The following CDC42BPG variants were observed in gnomAD, a reference collection of about 807,000 sequenced individuals.
CDC42BPG encodes CDC42 binding protein kinase gamma, also known as serine/threonine-protein kinase MRCK gamma.
Under a neutral mutation model 192.2 loss-of-function variants are expected in CDC42BPG, and 157 were observed. The ratio of observed to expected loss-of-function variants is 0.82; its 90% CI spans 0.72 to 0.93. CDC42BPG has a LOEUF of 0.93. CDC42BPG is among the 40% of genes least tolerant of loss of function. The probability of loss-of-function intolerance (pLI) is 0.00; values close to 1 mark genes in which losing one functional copy is unlikely to be tolerated. For synonymous variants in CDC42BPG, 981 were observed against 918.5 expected (o/e 1.07, Z -1.23); for missense variants, 1,992 against 2,122.1 (o/e 0.94, Z 1.20).
At position 64,840,643 on chromosome 11, in the gene CDC42BPG, G is replaced by A. The variant is rs1297121142; in HGVS notation, c.342C>T (p.Ala114=). 1.2e-6 allele frequency: 2 copies of A among 1,613,714 alleles called. No homozygotes were observed. The highest frequency in any genetic ancestry group is 1.7e-6 in the Non-Finnish European group (2 of 1,180,026). Residue 114 remains alanine, a synonymous_variant, in exon 4 of 37, where the codon GCC becomes GCT. Coordinates refer to ENST00000342711, the MANE Select transcript of CDC42BPG (RefSeq NM_017525.3). ...KWEMLKRAET[A]CFREERDVLV... ...GCACATCCCGCTCCTCCCGGAAACA[G>A]GCTGTCTGCAGCAGGTTTGGGGAAG...
At chr11:64,839,992 G>T in intron 5 of CDC42BPG, 128 bp downstream of exon 5, 1 of 940,550 alleles carries the variant, frequency 1.1e-6, no homozygotes, top group South Asian at 1.6e-5. Flanking sequence ...GGAAGCACAC[G>T]GATGAGGCAC....
At position 64,824,038 on chromosome 11, in the gene CDC42BPG, C is replaced by G. The variant is rs1942332363; in HGVS notation, c.*435G>C. ...CTGTTTTTCTCACCCAGACGCTAAGCAGAGACGGGGACATGCCCCATCTTG... is the reference window on the plus strand; with the variant it reads ...CTGTTTTTCTCACCCAGACGCTAAGGAGAGACGGGGACATGCCCCATCTTG... On this transcript the variant is annotated 3_prime_UTR_variant, in exon 37 of 37. Transcript: ENST00000342711. 1 of 191,122 alleles carries G rather than the reference C, an allele frequency of 5.2e-6. No homozygotes were observed. The highest frequency in any genetic ancestry group is 1.0e-5 in the Non-Finnish European group (1 of 95,632). The allele number at this position is 191,122 out of a possible 1,614,324, so 11.8% of individuals were successfully genotyped here.
chr11:64,840,475 GGCCCAGT>G, intron 4 of CDC42BPG, 71 bp downstream of exon 4: 1 of 1,498,378 alleles, frequency 6.7e-7, no homozygotes, highest in Non-Finnish European at 9.3e-7. Context: ...TCTCTCTTTG[GGCCCAGT>G]GCCCCTGGCC....
intron 9 of CDC42BPG, 47 bp from the exon 10 acceptor site, chr11:64,837,066 C>T (rs182227271): frequency 7.0e-7 from 1 of 1,429,622 alleles, no homozygotes; most frequent in Admixed American, 1.7e-5. Context: ...CCTCACCCCA[C>T]AGAGTCTCCT....
Position 64,827,407 on chromosome 11 carries a change from G to C in CDC42BPG, c.4151-9C>G, listed in dbSNP as rs201455618. 8.3e-5 allele frequency: 134 copies of C among 1,612,744 alleles called. No homozygotes were observed. The highest frequency in any genetic ancestry group is 1.1e-4 in the Non-Finnish European group (133 of 1,178,918). On this transcript the variant is annotated splice_polypyrimidine_tract_variant and intron_variant, in intron 32 of 36. Transcript: ENST00000342711. Reference sequence around the variant, plus strand: ...GTCGAACTCGTCCTTCTCTGTGGGAGAAGTGGAGAGCTGGGCTGTGCTCAC... The same window carrying C: ...GTCGAACTCGTCCTTCTCTGTGGGACAAGTGGAGAGCTGGGCTGTGCTCAC...
At chr11:64,840,027 G>A (rs991013230) in intron 5 of CDC42BPG, 93 bp downstream of exon 5, 2 of 1,263,638 alleles carry the variant, frequency 1.6e-6, no homozygotes, top group Non-Finnish European at 1.1e-6. Flanking sequence ...GGCACATGAT[G>A]AGTGCTCAGC....
chr11:64,828,255 C>G (rs1942525955), intron 30 of CDC42BPG, among the ~76,000 whole-genome samples: 1 of 141,686 alleles, frequency 7.1e-6, no homozygotes, highest in Non-Finnish European at 1.5e-5. Context: ...GTTACTTGTG[C>G]ATGCACCAGA....
Position 64,844,637 on chromosome 11 carries a change from C to A in CDC42BPG, c.-68G>T, listed in dbSNP as rs934266861. On this transcript the variant is annotated 5_prime_UTR_variant, in exon 1 of 37. Transcript: ENST00000342711. ...CCGCATGCCCGCCTGTCGGGCCGTC[C>A]GTCCGCCCAACCGTCTGAGGCTCTG... is the stretch of plus-strand genomic sequence containing the variant. The A allele has an allele frequency of 3.4e-6, 4 of 1,186,652 alleles. No homozygotes were observed. Among genetic ancestry groups the A allele is most frequent in the African/African-American group, 1.6e-5 (1 of 62,674 alleles). 73.5% of individuals were successfully genotyped at this position (1,186,652 alleles called of 1,614,324 possible).
intron 28 of CDC42BPG, chr11:64,830,591 G>A: frequency 2.4e-6 from 1 of 420,526 alleles, no homozygotes; most frequent in Non-Finnish European, 4.4e-6. Flanking sequence ...GGGTTCAGCA[G>A]AGCCCCTTGC....
intron 1 of CDC42BPG, among the ~76,000 whole-genome samples, chr11:64,842,830 C>T (rs991677723): frequency 3.3e-5 from 5 of 152,144 alleles, no homozygotes; most frequent in Non-Finnish European, 7.4e-5. Context: ...TGTGGTCTGG[C>T]GCCCTGCCTC....
In CDC42BPG at chr11:64,836,495, C is replaced by G. The variant is rs774152371; in HGVS notation, c.1420G>C (p.Asp474His). 9.9e-6 allele frequency: 16 copies of G among 1,613,332 alleles called. No individual in the cohort carries two copies. The highest frequency in any genetic ancestry group is 1.3e-5 in the African/African-American group (1 of 74,902). ...CCTGGGCTACCAGCTGGGGGCCCATCCGTCTGGGACAATGAGGCCTTGTCC... is the reference window on the plus strand; with the variant it reads ...CCTGGGCTACCAGCTGGGGGCCCATGCGTCTGGGACAATGAGGCCTTGTCC... ...LRDKASLSQT[D>H]GPPAGSPGQD... The change falls in exon 12 of 37, where the codon GAT becomes CAT. Residue 474 changes from aspartate (D) to histidine (H), a missense_variant. By Grantham distance (81) the Asp-to-His change is moderately conservative. Around this residue, in one of 2 missense-constraint regions of CDC42BPG, gnomAD observed 1,656 missense variants for 1,844.3 expected, o/e 0.90. Coordinates refer to ENST00000342711, the MANE Select transcript of CDC42BPG (RefSeq NM_017525.3).
At position 64,833,957 on chromosome 11, in the gene CDC42BPG, G is replaced by C. The variant is rs779370436; in HGVS notation, c.2434C>G (p.Leu812Val). The C allele has an allele frequency of 6.1e-5, 99 of 1,614,116 alleles. No individual in the cohort carries two copies. The highest frequency in any genetic ancestry group is 8.1e-5 in the Non-Finnish European group (96 of 1,180,036). The change falls in exon 21 of 37, where the codon CTG (leucine) becomes GTG (valine). Residue 812 changes from leucine to valine, a missense_variant. Physicochemically the swap from Leu to Val is conservative, Grantham distance 32. Transcript: ENST00000342711. ...GPVDTKPSNS[L>V]IPFLSFRSSE... ...CTCCGGAAGGACAGGAAGGGAATCA[G>C]GGAGTTTGAGGGCTTGGTGTCTGCA...
intron 1 of CDC42BPG, 63 bp downstream of exon 1, chr11:64,844,347 G>GT (rs1436058882): frequency 7.6e-7 from 1 of 1,311,334 alleles, no homozygotes; most frequent in Admixed American, 3.9e-5. Flanking sequence ...AAGTCTGCGG[G>GT]TGCGGGGGTC....
chr11:64,843,204 T>C (rs988359027), intron 1 of CDC42BPG, among the ~76,000 whole-genome samples: 12 of 151,892 alleles, frequency 7.9e-5, no homozygotes, highest in Non-Finnish European at 1.5e-5. Context: ...AGGAGAGGAA[T>C]GAGTCACAGC....
At chr11:64,837,620 C>A (rs976958548) in intron 9 of CDC42BPG, among the ~76,000 whole-genome samples, 1 of 152,220 alleles carries the variant, frequency 6.6e-6, no homozygotes, top group Non-Finnish European at 1.5e-5. Flanking sequence ...CGCCACCACG[C>A]CCGGCTAATT....
chr11:64,839,438 C>CCTGCTGCCA, intron 6 of CDC42BPG, 40 bp downstream of exon 6: 1 of 1,583,062 alleles, frequency 6.3e-7, no homozygotes, highest in Admixed American at 1.7e-5. Context: ...GCTTGGCCCG[C>CCTGCTGCCA]CTTGTATCCC....
rs1943097137 is a variant in CDC42BPG at position 64,838,003 on chromosome 11, C to T, written c.1205+80G>A. On this transcript the variant is annotated intron_variant, in intron 9 of 36. Transcript: ENST00000342711. ...AGCCCTTCTGCCCTCCTTCCCAGGG[C>T]CCCAGTGGGCTACGCGCCCAGTGTC... 33 of 1,223,522 alleles carry T rather than the reference C, an allele frequency of 2.7e-5. No homozygotes were observed. In the South Asian group the frequency reaches 4.1e-4, roughly 15 times the overall value. The allele number at this position is 1,223,522 out of a possible 1,614,324, so 75.8% of individuals were successfully genotyped here.
At position 64,836,719 on chromosome 11, in the gene CDC42BPG, G is replaced by GC. The variant is rs1592712411; in HGVS notation, c.1384+19_1384+20insG. Reference sequence around the variant, plus strand: ...GGGACTCAGCCCTGGGGGGGGGGGGGGGGTGGGCGGAAGGGATACCTGGCA... The same window carrying GC: ...GGGACTCAGCCCTGGGGGGGGGGGGGCGGGTGGGCGGAAGGGATACCTGGCA... On this transcript the variant is annotated intron_variant, in intron 11 of 36. Transcript: ENST00000342711. 182 of 842,020 alleles carry GC rather than the reference G, an allele frequency of 2.2e-4. 1 individual carries two copies. The highest frequency in any genetic ancestry group is 7.5e-4 in the Middle Eastern group (2 of 2,682). 52.2% of individuals were successfully genotyped at this position (842,020 alleles called of 1,614,324 possible). A position where few individuals can be genotyped will look rare whatever the true frequency, so the allele number is the denominator to read the frequency against.
intron 25 of CDC42BPG, 26 bp downstream of exon 25, chr11:64,832,800 C>A: frequency 6.3e-7 from 1 of 1,590,092 alleles, no homozygotes; most frequent in South Asian, 1.1e-5. Flanking sequence ...CCATGCCCAT[C>A]TTCCCCTCCC....
Sources: allele counts gnomAD v4.1 joint callset (sites outside exome capture counted in the v4.1 genomes callset), GRCh38; gene constraint gnomAD v4.1.1; regional missense constraint gnomAD v4.1.1; transcripts MANE v1.5; gene names NCBI Gene and HGNC (gene_info 2026-07-23, HGNC 2026-07-21).